Variants in BCAS4 observed in about 807,000 individuals in gnomAD.
BCAS4 encodes the protein breast carcinoma amplified sequence 4.
A neutral mutation model predicts 15.7 loss-of-function variants in BCAS4; 9 were observed. That is an observed-to-expected ratio of 0.57 (90% CI 0.34 to 1.00). The LOEUF (loss-of-function observed/expected upper bound fraction) is 1.00, where lower values mean the gene tolerates loss of function less well. Ranked by LOEUF, BCAS4 falls within the 50% of genes least tolerant of loss-of-function variation. BCAS4 has a pLI of 0.02. For missense variants in BCAS4, 225 were observed against 239.1 expected, an observed-to-expected ratio of 0.94 and a Z score of 0.39; for synonymous variants, 101 against 99.5, an observed-to-expected ratio of 1.02 and a Z score of -0.09.
At chr20:50,840,541 A>C in intron 3 of BCAS4, 1 of 1,472,572 alleles carries the variant, frequency 6.8e-7, no homozygotes, top group Non-Finnish European at 9.5e-7. Flanking sequence ...TTACAGAGTT[A>C]AACAGCTAAA....
At chr20:50,800,893 GA>G (rs2087919433) in intron 1 of BCAS4, among the ~76,000 whole-genome samples, 1 of 152,168 alleles carries the variant, frequency 6.6e-6, no homozygotes. Flanking sequence ...CAGGATGAGA[GA>G]AAAGAGAAAT....
Position 50,841,754 on chromosome 20 carries a change from C to G in BCAS4, c.265-12C>G. 6.2e-7 allele frequency: 1 copy of G among 1,613,962 alleles called. No individual in the cohort carries two copies. Among genetic ancestry groups the G allele is most frequent in the Non-Finnish European group, 8.5e-7 (1 of 1,180,004 alleles). On this transcript the variant is annotated splice_polypyrimidine_tract_variant and intron_variant, in intron 3 of 4. Coordinates refer to ENST00000371608, the MANE Select transcript of BCAS4 (RefSeq NM_198799.4). Reference sequence around the variant, plus strand: ...CACAGATGCGGCATCATGGCTTCTCCGTGTCCCTCAGGCCTTCGTCAAGAT... The same window carrying G: ...CACAGATGCGGCATCATGGCTTCTCGGTGTCCCTCAGGCCTTCGTCAAGAT...
chr20:50,842,052 GC>G (rs2088490415), intron 4 of BCAS4, 152 bp downstream of exon 4: 2 of 984,616 alleles, frequency 2.0e-6, no homozygotes, highest in African/African-American at 3.3e-5. Flanking sequence ...AGGCACCTCA[GC>G]CTTTCTCTGT....
intron 4 of BCAS4, among the ~76,000 whole-genome samples, chr20:50,873,209 T>C (rs77170527): frequency 0.012 from 1,805 of 152,302 alleles, 37 homozygotes; most frequent in African/African-American, 0.04. Context: ...ATGATATTGA[T>C]TTTTCCTCCA....
At chr20:50,812,628 G>A (rs539280408) in intron 1 of BCAS4, among the ~76,000 whole-genome samples, 1 of 151,188 alleles carries the variant, frequency 6.6e-6, no homozygotes, top group Admixed American at 6.6e-5. Context: ...TTAGTAGAGA[G>A]GGGGTTTCAC....
intron 4 of BCAS4, among the ~76,000 whole-genome samples, chr20:50,843,472 T>C (rs756390537): frequency 8.5e-5 from 13 of 152,208 alleles, no homozygotes; most frequent in Non-Finnish European, 1.3e-4. Context: ...TATTTAAACA[T>C]TGTGACTTGA....
At chr20:50,872,263 CAAAAAAAA>C (rs71192504) in intron 4 of BCAS4, among the ~76,000 whole-genome samples, 2 of 62,730 alleles carry the variant, frequency 3.2e-5, no homozygotes, top group Admixed American at 2.1e-4. Context: ...GACTCTGTCT[CAAAAAAAA>C]AAAAAAAAAA....
intron 2 of BCAS4, among the ~76,000 whole-genome samples, chr20:50,828,671 C>T (rs1279613968): frequency 1.3e-5 from 2 of 152,132 alleles, no homozygotes; most frequent in East Asian, 1.9e-4. Context: ...CCCAGCTACT[C>T]GGGAGGCTGA....
At chr20:50,795,514 G>C (rs1468274676) in intron 1 of BCAS4, among the ~76,000 whole-genome samples, 1 of 152,188 alleles carries the variant, frequency 6.6e-6, no homozygotes, top group Non-Finnish European at 1.5e-5. Context: ...CCTCCGAGCG[G>C]TGCCCGGGCC....
At chr20:50,853,021 T>C (rs890652316) in intron 4 of BCAS4, among the ~76,000 whole-genome samples, 1 of 152,034 alleles carries the variant, frequency 6.6e-6, no homozygotes, top group Admixed American at 6.6e-5. Context: ...GTTGGTGGGA[T>C]CCCTCTACAC....
intron 1 of BCAS4, among the ~76,000 whole-genome samples, chr20:50,813,455 G>A (rs757341945): frequency 2.6e-5 from 4 of 152,306 alleles, no homozygotes; most frequent in South Asian, 2.1e-4. Flanking sequence ...AAGAGACGAC[G>A]GTGACTTGCG....
intron 3 of BCAS4, among the ~76,000 whole-genome samples, chr20:50,838,056 C>T (rs941170641): frequency 7.2e-5 from 11 of 151,802 alleles, no homozygotes; most frequent in African/African-American, 2.4e-4. Flanking sequence ...AGCCCTGCTA[C>T]AGCCAGAACC....
At chr20:50,796,477 A>ATTTTTTTT (rs1569013222) in intron 1 of BCAS4, among the ~76,000 whole-genome samples, 1 of 13,012 alleles carries the variant, frequency 7.7e-5, no homozygotes, top group Non-Finnish European at 1.4e-4. Context: ...ATATATATAT[A>ATTTTTTTT]TATATATATA....
intron 1 of BCAS4, among the ~76,000 whole-genome samples, chr20:50,808,204 G>A (rs1350442958): frequency 6.6e-6 from 1 of 152,156 alleles, no homozygotes; most frequent in Non-Finnish European, 1.5e-5. Context: ...GAGCCACCGC[G>A]CCCGGCTGTG....
chr20:50,864,382 G>A (rs1391767095), intron 4 of BCAS4, among the ~76,000 whole-genome samples: 1 of 151,318 alleles, frequency 6.6e-6, no homozygotes, highest in Non-Finnish European at 1.5e-5. Context: ...TGTTGTGTGT[G>A]ATCATCAAGA....
At chr20:50,855,207 C>T (rs1036035580) in intron 4 of BCAS4, among the ~76,000 whole-genome samples, 2 of 152,182 alleles carry the variant, frequency 1.3e-5, no homozygotes, top group Non-Finnish European at 2.9e-5. Flanking sequence ...GTGGAGATTT[C>T]GGCCTCTGGC....
At chr20:50,876,441 A>G (rs930922177) in intron 4 of BCAS4, 45 bp from the exon 5 acceptor site, 21 of 1,606,076 alleles carry the variant, frequency 1.3e-5, no homozygotes, top group Non-Finnish European at 1.7e-5. Context: ...TCATGGAACA[A>G]GTGGATCCAA....
At chr20:50,844,869 C>T (rs1382773000) in intron 4 of BCAS4, among the ~76,000 whole-genome samples, 2 of 152,128 alleles carry the variant, frequency 1.3e-5, no homozygotes, top group Non-Finnish European at 1.5e-5. Flanking sequence ...TTCCAGGAAG[C>T]GCGTCCTGGC....
At chr20:50,853,979 C>T (rs1422574035) in intron 4 of BCAS4, among the ~76,000 whole-genome samples, 1 of 152,112 alleles carries the variant, frequency 6.6e-6, no homozygotes, top group Non-Finnish European at 1.5e-5. Context: ...TGCCAGCTGT[C>T]CCCGGGGGCA....
Sources: allele counts gnomAD v4.1 joint callset (sites outside exome capture counted in the v4.1 genomes callset), GRCh38; gene constraint gnomAD v4.1.1; transcripts MANE v1.5; gene names NCBI Gene and HGNC (gene_info 2026-07-23, HGNC 2026-07-21).